Variants in DTWD2 observed in about 807,000 individuals in gnomAD.
The protein encoded by DTWD2 is DTW motif tRNA-uridine aminocarboxypropyltransferase 2.
A neutral mutation model predicts 31.8 loss-of-function variants in DTWD2; 39 were observed. The observed-to-expected ratio is 1.22, with a 90% CI of 0.95 to 1.60. The LOEUF (loss-of-function observed/expected upper bound fraction) is 1.60. Among genes scored for constraint, DTWD2 ranks in the 40% most tolerant of loss-of-function variants. The pLI is 0.00. For missense variants in DTWD2, 515 were observed against 381.5 expected (o/e 1.35, Z -2.92); for synonymous variants, 180 against 142.8 (o/e 1.26, Z -1.86).
At chr5:118,853,080 G>C (rs746025614) in intron 4 of DTWD2, among the ~76,000 whole-genome samples, 8 of 152,038 alleles carry the variant, frequency 5.3e-5, no homozygotes, top group African/African-American at 9.7e-5. Flanking sequence ...AGAGGAAGTG[G>C]GGCAAGTGCT....
chr5:118,988,193 T>C (rs1755473807), intron 1 of DTWD2, 101 bp downstream of exon 1: 1 of 1,433,762 alleles, frequency 7.0e-7, no homozygotes, highest in Non-Finnish European at 9.5e-7. Context: ...GCCGCCCTAA[T>C]CGCAGAGCTG....
At chr5:118,898,667 A>G (rs545834275) in intron 4 of DTWD2, among the ~76,000 whole-genome samples, 2 of 151,910 alleles carry the variant, frequency 1.3e-5, no homozygotes, top group East Asian at 3.9e-4. Flanking sequence ...TCAAAAAAAA[A>G]AAAAAAAAAT....
chr5:118,855,230 GAAGTTGCGGTAAAACT>G (rs976929442), intron 4 of DTWD2, among the ~76,000 whole-genome samples: 1 of 142,150 alleles, frequency 7.0e-6, no homozygotes, highest in Non-Finnish European at 1.5e-5. Context: ...GTAATTACAA[GAAGTTGCGGTAAAACT>G]TTTTACCGCA....
intron 2 of DTWD2, 48 bp downstream of exon 2, chr5:118,944,511 T>C (rs1754288237): frequency 6.4e-7 from 1 of 1,557,612 alleles, no homozygotes; most frequent in South Asian, 1.1e-5. Context: ...GTGTTTCCTC[T>C]TGTGGACTCA....
chr5:118,890,488 TC>T (rs1752954472), intron 4 of DTWD2, among the ~76,000 whole-genome samples: 1 of 151,866 alleles, frequency 6.6e-6, no homozygotes, highest in Non-Finnish European at 1.5e-5. Flanking sequence ...AGTTTTGTGC[TC>T]TAATTACATA....
In DTWD2 at chr5:118,841,010, G is replaced by A. The variant is rs146085520; in HGVS notation, c.804C>T (p.His268=). The A allele has an allele frequency of 1.9e-6, 3 of 1,613,714 alleles. No individual in the cohort carries two copies. Among genetic ancestry groups the A allele is most frequent in the African/African-American group, 2.7e-5 (2 of 75,018 alleles). The change falls in exon 6 of 6, where the codon CAC becomes CAT. Residue 268 remains histidine (H), a synonymous_variant. Coordinates refer to ENST00000510708, the MANE Select transcript of DTWD2 (RefSeq NM_173666.4). ...TAGGATATAATCCATTTTTCAGAAG[G>A]TGTTCCTTGCTGAGGCGAATTTGGG... The part of the protein sequence containing the change: ...HGAQIRLSKE[H]LLKNGLYPKP...
At chr5:118,878,208 A>C (rs1027289413) in intron 4 of DTWD2, among the ~76,000 whole-genome samples, 4 of 152,358 alleles carry the variant, frequency 2.6e-5, no homozygotes, top group African/African-American at 9.6e-5. Context: ...AGCCAAGGCA[A>C]TCCTAAGCAA....
chr5:118,941,465 T>C (rs1251413196), intron 2 of DTWD2, among the ~76,000 whole-genome samples: 1 of 152,196 alleles, frequency 6.6e-6, no homozygotes, highest in African/African-American at 2.4e-5. Flanking sequence ...TTGCTAAGAA[T>C]GATGGTTTCC....
intron 1 of DTWD2, among the ~76,000 whole-genome samples, chr5:118,984,516 T>C (rs752419319): frequency 3.3e-5 from 5 of 151,776 alleles, no homozygotes; most frequent in Non-Finnish European, 5.9e-5. Context: ...AAATAAAATA[T>C]TATCATATAT....
At chr5:118,870,369 C>T (rs1395366542) in intron 4 of DTWD2, among the ~76,000 whole-genome samples, 1 of 152,252 alleles carries the variant, frequency 6.6e-6, no homozygotes, top group Non-Finnish European at 1.5e-5. Context: ...TGTCATGAAA[C>T]ACTTGATTGG....
Position 118,977,350 on chromosome 5 carries a change from G to A in DTWD2, c.218+10944C>T, listed in dbSNP as rs538126955. Among the ~76,000 whole-genome samples, 4 of 152,272 alleles carry A rather than the reference G, an allele frequency of 2.6e-5. No individual in the cohort carries two copies. In the South Asian group the frequency reaches 8.3e-4, roughly 32 times the overall value. On this transcript the variant is annotated intron_variant, in intron 1 of 5. Coordinates refer to ENST00000510708, the MANE Select transcript of DTWD2 (RefSeq NM_173666.4). ...AGTTCTGGTCAGGGCAATCAGGCAA[G>A]AGAAAGAAAGAAAGGGTATTCAAAT...
At chr5:118,951,913 C>T (rs944221385) in intron 1 of DTWD2, among the ~76,000 whole-genome samples, 9 of 152,164 alleles carry the variant, frequency 5.9e-5, no homozygotes, top group Non-Finnish European at 1.2e-4. Flanking sequence ...CGTGATTAAA[C>T]ACAAAGGAAA....
intron 1 of DTWD2, among the ~76,000 whole-genome samples, chr5:118,964,785 C>T (rs1186344949): frequency 2.6e-5 from 4 of 152,224 alleles, no homozygotes; most frequent in African/African-American, 9.6e-5. Flanking sequence ...GATCTCGGCT[C>T]GCTACAACCT....
chr5:118,863,761 C>T (rs1001943166), intron 4 of DTWD2, among the ~76,000 whole-genome samples: 3 of 152,106 alleles, frequency 2.0e-5, no homozygotes, highest in African/African-American at 7.2e-5. Flanking sequence ...TACAAAGTAC[C>T]TAATAGGCCT....
intron 3 of DTWD2, among the ~76,000 whole-genome samples, chr5:118,931,413 A>G (rs1036324073): frequency 3.3e-5 from 5 of 151,896 alleles, no homozygotes; most frequent in Non-Finnish European, 5.9e-5. Flanking sequence ...AAAAAAAAAA[A>G]AAAAAAGTAA....
At chr5:118,920,668 T>C (rs1753683059) in intron 4 of DTWD2, among the ~76,000 whole-genome samples, 1 of 152,234 alleles carries the variant, frequency 6.6e-6, no homozygotes, top group Non-Finnish European at 1.5e-5. Context: ...ATTGTATTTC[T>C]ATAAAATATA....
At chr5:118,936,109 G>C (rs76079099) in intron 3 of DTWD2, among the ~76,000 whole-genome samples, 1,884 of 152,144 alleles carry the variant, frequency 0.012, 15 homozygotes, top group Non-Finnish European at 0.018. Flanking sequence ...CAAATATCTG[G>C]AAATTAAGCG....
intron 3 of DTWD2, among the ~76,000 whole-genome samples, chr5:118,930,323 C>A (rs1753895561): frequency 6.6e-6 from 1 of 151,686 alleles, no homozygotes; most frequent in Non-Finnish European, 1.5e-5. Context: ...TGCCCACAAG[C>A]AAAAAACAAA....
At chr5:118,879,088 A>G (rs1561438169) in intron 4 of DTWD2, among the ~76,000 whole-genome samples, 1 of 152,230 alleles carries the variant, frequency 6.6e-6, no homozygotes, top group Non-Finnish European at 1.5e-5. Context: ...GAGATGACTC[A>G]AAGACCTAAA....
Sources: gnomAD v4.1 joint callset for allele counts (sites outside exome capture counted in the v4.1 genomes callset) on GRCh38, gnomAD v4.1.1 for gene constraint, MANE v1.5 for transcripts, NCBI Gene and HGNC (gene_info 2026-07-23, HGNC 2026-07-21) for gene names.